The following PXDNL variants were observed in gnomAD, a reference collection of about 807,000 sequenced individuals.
The protein encoded by PXDNL is probable oxidoreductase PXDNL.
PXDNL carries 145 observed loss-of-function variants against 150.8 expected under a neutral mutation model. That is an observed-to-expected ratio of 0.96 (90% CI 0.84 to 1.10). PXDNL has a LOEUF of 1.10. Among genes scored for constraint, PXDNL ranks in the 50% least tolerant of loss-of-function variants. The pLI, the probability that PXDNL is intolerant of heterozygous loss-of-function variation, is 0.00. For synonymous variants in PXDNL, 757 were observed against 725.7 expected (o/e 1.04, Z -0.69); for missense variants, 2,087 against 1,873.9 (o/e 1.11, Z -2.10).
At chr8:51,356,438 G>A (rs981492629) in intron 19 of PXDNL, among the ~76,000 whole-genome samples, 2 of 150,130 alleles carry the variant, frequency 1.3e-5, no homozygotes. Context: ...GCAGTGAGCC[G>A]AGATTGCCCC....
rs182134408 is a variant in PXDNL at position 51,787,329 on chromosome 8, T to C, written c.164+21852A>G. Among the ~76,000 whole-genome samples the C allele has an allele frequency of 2.7e-3, 415 of 152,346 alleles. 1 individual carries two copies. The highest frequency in any genetic ancestry group is 9.4e-3 in the African/African-American group (391 of 41,574). On this transcript the variant is annotated intron_variant, in intron 1 of 22. Coordinates refer to ENST00000356297, the MANE Select transcript of PXDNL (RefSeq NM_144651.5). ...CAGCTGCCATAGATAGTGAATCCTC[T>C]GATAGATCTAGACAAAGTACACTGA...
chr8:51,351,072 T>C (rs1483698299), intron 19 of PXDNL, among the ~76,000 whole-genome samples: 1 of 152,230 alleles, frequency 6.6e-6, no homozygotes, highest in Non-Finnish European at 1.5e-5. Flanking sequence ...CATTAATATT[T>C]CTTCATACTC....
At chr8:51,667,193 A>G (rs1815403254) in intron 1 of PXDNL, among the ~76,000 whole-genome samples, 1 of 152,200 alleles carries the variant, frequency 6.6e-6, no homozygotes, top group South Asian at 2.1e-4. Context: ...AAGCCTGAAT[A>G]TGCCCCGGGT....
intron 1 of PXDNL, among the ~76,000 whole-genome samples, chr8:51,696,798 T>TCCACATAC (rs1816148472): frequency 2.6e-4 from 1 of 3,808 alleles, no homozygotes. Flanking sequence ...CACCCACACA[T>TCCACATAC]AGGTCTTCAC....
At chr8:51,513,424 C>T (rs747111254) in intron 4 of PXDNL, among the ~76,000 whole-genome samples, 22 of 152,232 alleles carry the variant, frequency 1.4e-4, no homozygotes. Context: ...AGATGAGTCA[C>T]ACTGTGCAAG....
At chr8:51,722,492 C>T (rs1012489910) in intron 1 of PXDNL, among the ~76,000 whole-genome samples, 4 of 152,280 alleles carry the variant, frequency 2.6e-5, no homozygotes, top group South Asian at 4.1e-4. Context: ...GTACCTGGGT[C>T]CTTGTTCAGC....
intron 4 of PXDNL, among the ~76,000 whole-genome samples, chr8:51,519,132 G>T (rs533533224): frequency 6.6e-6 from 1 of 152,294 alleles, no homozygotes; most frequent in East Asian, 1.9e-4. Flanking sequence ...ATTGTCATTG[G>T]TAGTTTTAAT....
chr8:51,487,072 A>C (rs9298448), intron 5 of PXDNL, among the ~76,000 whole-genome samples: 44,662 of 151,314 alleles, frequency 0.3, 7,597 homozygotes, highest in African/African-American at 0.47. Flanking sequence ...GGATTACAGG[A>C]GGGAGCCACC....
At chr8:51,374,575 A>G (rs1807238523) in intron 18 of PXDNL, 22 bp downstream of exon 18, 1 of 1,610,404 alleles carries the variant, frequency 6.2e-7, no homozygotes, top group Admixed American at 1.7e-5. Flanking sequence ...ATATTTAATA[A>G]GTATAACAGA....
At chr8:51,386,235 G>A (rs1452686289) in intron 17 of PXDNL, among the ~76,000 whole-genome samples, 1 of 152,060 alleles carries the variant, frequency 6.6e-6, no homozygotes, top group Non-Finnish European at 1.5e-5. Context: ...TGGGACTACA[G>A]GCACGTGCCA....
At chr8:51,426,416 C>T (rs1169040981) in intron 13 of PXDNL, among the ~76,000 whole-genome samples, 1 of 150,734 alleles carries the variant, frequency 6.6e-6, no homozygotes. Context: ...CATCACCAGG[C>T]AAATTAGAAA....
chr8:51,378,068 G>T (rs915103712), intron 17 of PXDNL, among the ~76,000 whole-genome samples: 2 of 152,230 alleles, frequency 1.3e-5, no homozygotes, highest in African/African-American at 2.4e-5. Context: ...CTAGCTCAAG[G>T]TTTGTAAATG....
At chr8:51,364,710 A>G (rs1485457078) in intron 19 of PXDNL, among the ~76,000 whole-genome samples, 1 of 152,192 alleles carries the variant, frequency 6.6e-6, no homozygotes, top group Non-Finnish European at 1.5e-5. Context: ...GAAACAGAAC[A>G]CGGATACCCT....
chr8:51,737,649 G>T (rs1817065239), intron 1 of PXDNL, among the ~76,000 whole-genome samples: 1 of 152,132 alleles, frequency 6.6e-6, no homozygotes, highest in South Asian at 2.1e-4. Flanking sequence ...TATTCATTCT[G>T]CCTCTGAGAC....
chr8:51,647,090 G>A (rs1444855182), intron 2 of PXDNL, among the ~76,000 whole-genome samples: 2 of 152,126 alleles, frequency 1.3e-5, no homozygotes, highest in Non-Finnish European at 1.5e-5. Flanking sequence ...AAGCTAGGAT[G>A]TATCATCCCT....
intron 19 of PXDNL, among the ~76,000 whole-genome samples, chr8:51,352,733 G>C (rs1228393926): frequency 6.6e-6 from 1 of 152,136 alleles, no homozygotes; most frequent in Non-Finnish European, 1.5e-5. Context: ...CTCTATAACA[G>C]TGTGGAAATG....
intron 2 of PXDNL, among the ~76,000 whole-genome samples, chr8:51,653,420 A>G (rs1302420507): frequency 6.6e-6 from 1 of 152,190 alleles, no homozygotes; most frequent in African/African-American, 2.4e-5. Flanking sequence ...TCTGTCTCAA[A>G]GAAAAAAATA....
At chr8:51,653,800 A>G (rs917748459) in intron 2 of PXDNL, among the ~76,000 whole-genome samples, 4 of 117,026 alleles carry the variant, frequency 3.4e-5, no homozygotes, top group African/African-American at 1.0e-4. Context: ...TAACTCTATC[A>G]TGAGAATATT....
chr8:51,549,381 T>A (rs1359638406), intron 4 of PXDNL, among the ~76,000 whole-genome samples: 1 of 152,060 alleles, frequency 6.6e-6, no homozygotes, highest in Non-Finnish European at 1.5e-5. Context: ...ACATATATAT[T>A]TTTTTCATCA....
Sources: gnomAD v4.1 joint callset for allele counts (sites outside exome capture counted in the v4.1 genomes callset) on GRCh38, gnomAD v4.1.1 for gene constraint, MANE v1.5 for transcripts, NCBI Gene and HGNC (gene_info 2026-07-23, HGNC 2026-07-21) for gene names.